ZNF516: variants seen among roughly 807,000 people sequenced by gnomAD.
ZNF516 encodes the protein zinc finger protein 516.
In ZNF516, 19 loss-of-function variants were observed where a neutral mutation model predicts 79.7. The observed-to-expected ratio is 0.24, with a 90% CI of 0.17 to 0.35. The LOEUF (loss-of-function observed/expected upper bound fraction) is 0.35. ZNF516 is among the 10% of genes least tolerant of loss of function. The pLI is 1.00. For synonymous variants in ZNF516, 877 were observed against 739.5 expected (o/e 1.19, Z -3.02); for missense variants, 1,678 against 1,679.5 (o/e 1.00, Z 0.02).
intron 3 of ZNF516, among the ~76,000 whole-genome samples, chr18:76,426,336 C>T (rs1255561109): frequency 1.3e-5 from 2 of 152,132 alleles, no homozygotes; most frequent in Non-Finnish European, 2.9e-5. Flanking sequence ...GCTCAACAGG[C>T]TTTAATCAGC....
At chr18:76,387,372 C>G (rs11875963) in intron 3 of ZNF516, 3 of 152,032 alleles carry the variant, frequency 2.0e-5, no homozygotes, top group Admixed American at 6.6e-5. Flanking sequence ...GTGAAGGCAC[C>G]GAACAGCAAG....
At chr18:76,402,815 G>A (rs1294255899) in intron 3 of ZNF516, among the ~76,000 whole-genome samples, 36 of 152,212 alleles carry the variant, frequency 2.4e-4, no homozygotes, top group Admixed American at 2.3e-3. Flanking sequence ...TTCCCACACT[G>A]GCAGCTGCCG....
chr18:76,391,582 G>A lies in ZNF516; in HGVS notation c.1811-11279C>T, dbSNP rs189654319. Among the ~76,000 whole-genome samples, 11 of 152,216 alleles carry A rather than the reference G, an allele frequency of 7.2e-5. No individual in the cohort carries two copies. The East Asian group carries it at 7.7e-4, about 11-fold the overall frequency. On this transcript the variant is annotated intron_variant, in intron 3 of 6. Transcript: ENST00000443185. ...TCCCTCTGTCGCTGTGGACTTGCCCGCAGCCAGGTCCTCCTGCAAACCTGC... is the reference window on the plus strand; with the variant it reads ...TCCCTCTGTCGCTGTGGACTTGCCCACAGCCAGGTCCTCCTGCAAACCTGC...
intron 3 of ZNF516, among the ~76,000 whole-genome samples, chr18:76,382,681 C>A (rs750868383): frequency 1.3e-5 from 2 of 152,138 alleles, no homozygotes; most frequent in African/African-American, 4.8e-5. Flanking sequence ...GAGGCCGAGG[C>A]GGGCAGATCA....
intron 2 of ZNF516, among the ~76,000 whole-genome samples, chr18:76,448,361 C>T (rs1177499018): frequency 6.6e-6 from 1 of 152,180 alleles, no homozygotes; most frequent in East Asian, 1.9e-4. Flanking sequence ...TTCAACTAAT[C>T]AATCCCTTCT....
chr18:76,389,596 C>T (rs1307777003), intron 3 of ZNF516, among the ~76,000 whole-genome samples: 1 of 152,216 alleles, frequency 6.6e-6, no homozygotes, highest in East Asian at 1.9e-4. Context: ...CCAAAAATTG[C>T]TAACTAGACA....
chr18:76,402,703 G>A (rs144709475), intron 3 of ZNF516, among the ~76,000 whole-genome samples: 5 of 152,386 alleles, frequency 3.3e-5, no homozygotes, highest in Admixed American at 1.3e-4. Context: ...GATCAGCGAT[G>A]ACTTGACAGG....
chr18:76,416,491 T>G (rs944416505), intron 3 of ZNF516, among the ~76,000 whole-genome samples: 2 of 152,228 alleles, frequency 1.3e-5, no homozygotes, highest in African/African-American at 4.8e-5. Context: ...TTTGGGGATT[T>G]TAGTCAAATA....
At chr18:76,491,998 A>G (rs1175058386) in intron 1 of ZNF516, among the ~76,000 whole-genome samples, 2 of 152,040 alleles carry the variant, frequency 1.3e-5, no homozygotes, top group Non-Finnish European at 2.9e-5. Context: ...TCTGCAGAAG[A>G]GGAGGACGAA....
intron 3 of ZNF516, among the ~76,000 whole-genome samples, chr18:76,410,167 C>T (rs375888901): frequency 2.9e-4 from 44 of 152,272 alleles, no homozygotes; most frequent in African/African-American, 9.1e-4. Flanking sequence ...GCGTTAAAAA[C>T]GGACTAATAC....
chr18:76,379,209 T>C lies in ZNF516; in HGVS notation c.2905A>G (p.Ser969Gly). The change falls in exon 4 of 7, where the codon AGT (serine) becomes GGT (glycine). Residue 969 changes from serine (S) to glycine (G), a missense_variant. This residue lies in a region of ZNF516 where 1,294 missense variants were observed against 1,248.3 expected (regional missense o/e 1.04). Coordinates refer to ENST00000443185, the MANE Select transcript of ZNF516 (RefSeq NM_014643.4). ...TTGGCTTTCAGGGAGTCCGGGGCAC[T>C]GTGCTTATTTGTGGGGGCAAAGCCA... is the stretch of plus-strand genomic sequence containing the variant. ...GAGFAPTNKH[S>G]APDSLKAKFS... The C allele has an allele frequency of 1.2e-6, 2 of 1,612,832 alleles. No individual in the cohort carries two copies. The highest frequency in any genetic ancestry group is 1.1e-5 in the South Asian group (1 of 91,084).
intron 3 of ZNF516, among the ~76,000 whole-genome samples, chr18:76,440,742 T>TTTGTG (rs1555711266): frequency 1.3e-4 from 19 of 149,942 alleles, no homozygotes; most frequent in Non-Finnish European, 2.1e-4. Flanking sequence ...GTGTGTGTGT[T>TTTGTG]TGTGTGTGTG....
chr18:76,460,996 G>T (rs1027427790), intron 2 of ZNF516, among the ~76,000 whole-genome samples: 1 of 152,066 alleles, frequency 6.6e-6, no homozygotes, highest in Non-Finnish European at 1.5e-5. Context: ...TGGCCAACAC[G>T]GTGAAACCTC....
chr18:76,492,951 TGCAGACACATGG>T, intron 1 of ZNF516: 1 of 985,642 alleles, frequency 1.0e-6, no homozygotes, highest in Non-Finnish European at 1.2e-6. Context: ...CTTCACAGTG[TGCAGACACATGG>T]GCTCATGCAC....
Position 76,380,260 on chromosome 18 carries a change from C to T in ZNF516, c.1854G>A (p.Ser618=), listed in dbSNP as rs776625582. ...RRCCFSEEVT[S]TELSSGDQSH... ...TCTGGTCTCCACTGGAGAGCTCGGT[C>T]GAAGTCACCTCTTCGGAAAAGCAGC... Residue 618 remains serine, a synonymous_variant, in exon 4 of 7, where the codon TCG becomes TCA. Transcript: ENST00000443185. 17 of 1,613,642 alleles carry T rather than the reference C, an allele frequency of 1.1e-5. No individual in the cohort carries two copies. Among genetic ancestry groups the T allele is most frequent in the East Asian group, 2.2e-5 (1 of 44,882 alleles).
intron 3 of ZNF516, among the ~76,000 whole-genome samples, chr18:76,416,838 C>A (rs1316670734): frequency 2.0e-5 from 3 of 152,142 alleles, no homozygotes; most frequent in African/African-American, 7.2e-5. Context: ...AAGAACATAT[C>A]CTTCTTTCAT....
intron 1 of ZNF516, among the ~76,000 whole-genome samples, chr18:76,486,686 GAAA>G (rs11464561): frequency 9.6e-4 from 137 of 142,466 alleles, no homozygotes; most frequent in East Asian, 2.2e-3. Context: ...GGTTTTGAAG[GAAA>G]AAAAAAAAAA....
In ZNF516 at chr18:76,467,726, CAGA is replaced by C. The variant is rs1410104889; in HGVS notation, c.-271-4588_-271-4586del. Among the ~76,000 whole-genome samples, 10 of 152,350 alleles carry C rather than the reference CAGA, an allele frequency of 6.6e-5. No homozygotes were observed. In the South Asian group the frequency reaches 1.0e-3, roughly 16 times the overall value. On this transcript the variant is annotated intron_variant, in intron 1 of 6. Coordinates refer to ENST00000443185, the MANE Select transcript of ZNF516 (RefSeq NM_014643.4). The surrounding 1 kb of genome is among the most constrained non-coding windows in gnomAD (Gnocchi z 4.2). ...TACATGGGCTGCCTCATTTTCAAAG[CAGA>C]AGTTTAGCAATTTCCTGCATTTGCA...
At chr18:76,492,715 GAGAA>G (rs1259146883) in intron 1 of ZNF516, 5 of 985,374 alleles carry the variant, frequency 5.1e-6, no homozygotes, top group Non-Finnish European at 6.0e-6. Flanking sequence ...CCCAGTTGCT[GAGAA>G]ACAATCACAG....
Sources: gnomAD v4.1 joint callset for allele counts (sites outside exome capture counted in the v4.1 genomes callset) on GRCh38, gnomAD v4.1.1 for gene constraint, gnomAD v4.1.1 regional missense constraint, Gnocchi (gnomAD v3.1) non-coding constraint, MANE v1.5 for transcripts, NCBI Gene and HGNC (gene_info 2026-07-23, HGNC 2026-07-21) for gene names.